Variants in LGI4 observed in about 807,000 individuals in gnomAD.
LGI4 encodes leucine-rich repeat LGI family member 4.
Under a neutral mutation model 48.3 loss-of-function variants are expected in LGI4, and 36 were observed. The observed-to-expected ratio is 0.75, with a 90% CI of 0.57 to 0.98. LGI4 has a LOEUF of 0.98. Among genes scored for constraint, LGI4 ranks in the 50% least tolerant of loss-of-function variants. The pLI is 0.00. For missense variants in LGI4, 701 were observed against 732.1 expected, an observed-to-expected ratio of 0.96 and a Z score of 0.49; for synonymous variants, 355 against 331.6, an observed-to-expected ratio of 1.07 and a Z score of -0.77.
chr19:35,125,829 T>C (rs902501089), intron 8 of LGI4: 2 of 600,002 alleles, frequency 3.3e-6, no homozygotes, highest in Non-Finnish European at 6.2e-6. Flanking sequence ...TCTAGGCTCC[T>C]CTCCCTGCTC....
chr19:35,131,647 A>T (rs2065175964), intron 5 of LGI4, 92 bp from the exon 6 acceptor site: 37 of 1,472,660 alleles, frequency 2.5e-5, no homozygotes, highest in Non-Finnish European at 3.3e-5. Flanking sequence ...GTCCCCAGAG[A>T]TGGGGCCCCA....
intron 3 of LGI4, among the ~76,000 whole-genome samples, chr19:35,132,431 C>T (rs907637971): frequency 6.6e-6 from 1 of 151,670 alleles, no homozygotes; most frequent in Admixed American, 6.6e-5. Flanking sequence ...CAACACCATA[C>T]CCTGCCACCA....
intron 3 of LGI4, among the ~76,000 whole-genome samples, chr19:35,133,025 T>A (rs1568397042): frequency 6.6e-6 from 1 of 152,084 alleles, no homozygotes; most frequent in African/African-American, 2.4e-5. Context: ...ACAACATTGA[T>A]AATTATCACA....
chr19:35,126,589 C>G lies in LGI4; in HGVS notation c.980G>C (p.Gly327Ala). 6.5e-7 allele frequency: 1 copy of G among 1,541,162 alleles called. No homozygotes were observed. Among genetic ancestry groups the G allele is most frequent in the Non-Finnish European group, 8.7e-7 (1 of 1,149,312 alleles). The change falls in exon 8 of 9, where the codon GGG (glycine) becomes GCG (alanine). Residue 327 changes from glycine to alanine, a missense_variant. Transcript: ENST00000310123. Reference sequence around the variant, plus strand: ...ATCGGCCACCACGAAGCAGGGTTGCCCTTCCAGCCACAGGAGCTCGGCGTC... The same window carrying G: ...ATCGGCCACCACGAAGCAGGGTTGCGCTTCCAGCCACAGGAGCTCGGCGTC... The part of the protein sequence containing the change: ...PNDAELLWLE[G>A]QPCFVVADAS...
rs1193438098 is a variant in LGI4, at chr19:35,127,009, A to G, written c.637T>C (p.Trp213Arg). 6.3e-7 allele frequency: 1 copy of G among 1,591,038 alleles called. No individual in the cohort carries two copies. Among genetic ancestry groups the G allele is most frequent in the Admixed American group, 1.7e-5 (1 of 59,326 alleles). Residue 213 changes from tryptophan (W) to arginine (R), a missense_variant, in exon 7 of 9, where the codon TGG becomes CGG. Trp to Arg is a moderately radical substitution (Grantham distance 101, BLOSUM62 -3). Coordinates refer to ENST00000310123, the MANE Select transcript of LGI4 (RefSeq NM_139284.3). ...TFKCRAIELS[W>R]FQTVGESALS... ...GCCGACTCCCCCACCGTCTGGAACCAGGACAGCTCTGTGGGTGGAGAAGAG... is the reference window on the plus strand; with the variant it reads ...GCCGACTCCCCCACCGTCTGGAACCGGGACAGCTCTGTGGGTGGAGAAGAG...
At chr19:35,129,900 T>C (rs1013722430) in intron 6 of LGI4, among the ~76,000 whole-genome samples, 1 of 152,112 alleles carries the variant, frequency 6.6e-6, no homozygotes, top group African/African-American at 2.4e-5. Context: ...CGATCGTACA[T>C]TCTGTTTACT....
At chr19:35,128,065 G>A (rs1312018103) in intron 6 of LGI4, among the ~76,000 whole-genome samples, 1 of 152,188 alleles carries the variant, frequency 6.6e-6, no homozygotes, top group African/African-American at 2.4e-5. Context: ...TCCCAACTTG[G>A]TCTCCTTTCC....
intron 3 of LGI4, 23 bp from the exon 4 acceptor site, chr19:35,132,065 G>A: frequency 6.4e-7 from 1 of 1,558,462 alleles, no homozygotes; most frequent in Non-Finnish European, 8.7e-7. Flanking sequence ...GCTGGGGTCA[G>A]GGGGAGGCCC....
chr19:35,127,100 A>T (rs1158154943), intron 6 of LGI4, 83 bp from the exon 7 acceptor site: 1 of 1,370,150 alleles, frequency 7.3e-7, no homozygotes, highest in Non-Finnish European at 9.8e-7. Flanking sequence ...ACATCTCTGA[A>T]ATGGAGGCCA....
Position 35,133,780 on chromosome 19 carries a change from G to T in LGI4, c.243-16C>A. 1 of 1,596,450 alleles carries T rather than the reference G, an allele frequency of 6.3e-7. No homozygotes were observed. The highest frequency in any genetic ancestry group is 8.5e-7 in the Non-Finnish European group (1 of 1,171,748). ...GGTGAAGAGGCTGGCAAGGGGGCAA[G>T]AAAGAAATTTTTCCAGAATTGCAGC... On this transcript the variant is annotated splice_polypyrimidine_tract_variant and intron_variant, in intron 2 of 8. Transcript: ENST00000310123.
At position 35,127,012 on chromosome 19, in the gene LGI4, A is replaced by T; in HGVS notation, c.634T>A (p.Ser212Thr). 1 of 1,589,846 alleles carries T rather than the reference A, an allele frequency of 6.3e-7. No individual in the cohort carries two copies. The highest frequency in any genetic ancestry group is 8.6e-7 in the Non-Finnish European group (1 of 1,163,820). Reference sequence around the variant, plus strand: ...GACTCCCCCACCGTCTGGAACCAGGACAGCTCTGTGGGTGGAGAAGAGAGT... The same window carrying T: ...GACTCCCCCACCGTCTGGAACCAGGTCAGCTCTGTGGGTGGAGAAGAGAGT... ...KTFKCRAIEL[S>T]WFQTVGESAL... Residue 212 changes from serine (S) to threonine (T), a missense_variant, in exon 7 of 9, where the codon TCC becomes ACC. Coordinates refer to ENST00000310123, the MANE Select transcript of LGI4 (RefSeq NM_139284.3).
rs143940190 is a variant in LGI4 at position 35,125,449 on chromosome 19, G to A, written c.1358C>T (p.Ala453Val). ...RLLQQLPSRG[A>V]HVFQPLLIAR... Reference sequence around the variant, plus strand: ...GATGAGCAGTGGCTGGAAGACGTGGGCACCGCGCGAGGGAAGTTGCTGCAG... The same window carrying A: ...GATGAGCAGTGGCTGGAAGACGTGGACACCGCGCGAGGGAAGTTGCTGCAG... The change falls in exon 9 of 9, where the codon GCC becomes GTC. Residue 453 changes from alanine (A) to valine (V), a missense_variant. This residue lies in a region of LGI4 where 223 missense variants were observed against 263.3 expected (regional missense o/e 0.85). Transcript: ENST00000310123. The A allele has an allele frequency of 1.5e-4, 236 of 1,603,056 alleles. No homozygotes were observed. Among genetic ancestry groups the A allele is most frequent in the Non-Finnish European group, 1.9e-4 (223 of 1,174,824 alleles).
Position 35,125,100 on chromosome 19 carries a change from G to C in LGI4, c.*93C>G. 8.9e-7 allele frequency: 1 copy of C among 1,128,634 alleles called. No homozygotes were observed. Among genetic ancestry groups the C allele is most frequent in the Admixed American group, 2.6e-5 (1 of 38,854 alleles). 69.9% of individuals were successfully genotyped at this position (1,128,634 alleles called of 1,614,324 possible). ...TGATGAACGTGGCCCACGGTCAGCA[G>C]CTCACAGGCGGGCCATCACCCCAAG... is the stretch of plus-strand genomic sequence containing the variant. On this transcript the variant is annotated 3_prime_UTR_variant, in exon 9 of 9. Transcript: ENST00000310123.
chr19:35,125,321 GC>G lies in LGI4; in HGVS notation c.1485del (p.Pro496LeufsTer73). 6.2e-7 allele frequency: 1 copy of G among 1,612,062 alleles called. No individual in the cohort carries two copies. The highest frequency in any genetic ancestry group is 8.5e-7 in the Non-Finnish European group (1 of 1,178,782). On this transcript the variant is annotated frameshift_variant, in exon 9 of 9. Coordinates refer to ENST00000310123, the MANE Select transcript of LGI4 (RefSeq NM_139284.3). LOFTEE classifies it high-confidence loss of function. ...KGLLEPLQEL[G>X]PPALVAPRAF... Reference sequence around the variant, plus strand: ...GCACGGGGGGCCACCAGGGCCGGAGGCCCCAGCTCCTGCAGTGGCTCCAGGA... The same window carrying G: ...GCACGGGGGGCCACCAGGGCCGGAGGCCCAGCTCCTGCAGTGGCTCCAGGA...
chr19:35,129,655 G>A (rs918390770), intron 6 of LGI4, among the ~76,000 whole-genome samples: 2 of 152,288 alleles, frequency 1.3e-5, no homozygotes, highest in East Asian at 1.9e-4. Context: ...GTGGAAGGCC[G>A]CAGGGACCTC....
rs753228755 is a variant in LGI4 at position 35,134,668 on chromosome 19, C to A, written c.13G>T (p.Gly5Cys). The A allele has an allele frequency of 1.3e-6, 2 of 1,497,096 alleles. No homozygotes were observed. Among genetic ancestry groups the A allele is most frequent in the Non-Finnish European group, 1.8e-6 (2 of 1,103,462 alleles). The allele number at this position is 1,497,096 out of a possible 1,614,324, so 92.7% of individuals were successfully genotyped here. Reference sequence around the variant, plus strand: ...CCAGCCAGCAGCAGCAGCAGAATGCCTGCCCCTCCCATGCCCCCACCCCCA... The same window carrying A: ...CCAGCCAGCAGCAGCAGCAGAATGCATGCCCCTCCCATGCCCCCACCCCCA... MGGA[G>C]ILLLLLAGAG... Residue 5 changes from glycine (G) to cysteine (C), a missense_variant, in exon 1 of 9, where the codon GGC (glycine) becomes TGC (cysteine). Transcript: ENST00000310123.
chr19:35,131,926 G>A, intron 4 of LGI4, 45 bp downstream of exon 4: 1 of 1,569,588 alleles, frequency 6.4e-7, no homozygotes, highest in Non-Finnish European at 8.7e-7. Flanking sequence ...GGGGGGTGGA[G>A]CATGGGTGCC....
At chr19:35,130,763 C>G (rs1245902610) in intron 6 of LGI4, among the ~76,000 whole-genome samples, 1 of 152,146 alleles carries the variant, frequency 6.6e-6, no homozygotes, top group Non-Finnish European at 1.5e-5. Context: ...CCCTTCCTGT[C>G]CCCCCAGCTC....
At position 35,131,772 on chromosome 19, in the gene LGI4, GC is replaced by G; in HGVS notation, c.458+16del. 6.5e-7 allele frequency: 1 copy of G among 1,534,222 alleles called. No individual in the cohort carries two copies. The highest frequency in any genetic ancestry group is 8.8e-7 in the Non-Finnish European group (1 of 1,130,380). On this transcript the variant is annotated intron_variant, in intron 5 of 8. Coordinates refer to ENST00000310123, the MANE Select transcript of LGI4 (RefSeq NM_139284.3). The stretch of plus-strand genomic sequence containing the variant: ...CATTCCCCAACCCCCCACATTCCCA[GC>G]CCCCATGAGCCTCACACATGAGTAA...
Sources: allele counts gnomAD v4.1 joint callset (sites outside exome capture counted in the v4.1 genomes callset), GRCh38; gene constraint gnomAD v4.1.1; regional missense constraint gnomAD v4.1.1; transcripts MANE v1.5; gene names NCBI Gene and HGNC (gene_info 2026-07-23, HGNC 2026-07-21).